TENM2: variants seen among roughly 807,000 people sequenced by gnomAD.
TENM2 encodes teneurin-2.
A neutral mutation model predicts 245.2 loss-of-function variants in TENM2; 52 were observed. The observed-to-expected ratio is 0.21, with a 90% CI of 0.17 to 0.27. The LOEUF is 0.27. TENM2 is among the 10% of genes least tolerant of loss of function. The pLI is 1.00. For missense variants in TENM2, 3,046 were observed against 3,666.8 expected, an observed-to-expected ratio of 0.83 and a Z score of 4.37; for synonymous variants, 1,363 against 1,438.9, an observed-to-expected ratio of 0.95 and a Z score of 1.19.
At chr5:168,036,583 C>G (rs1787685256) in intron 5 of TENM2, among the ~76,000 whole-genome samples, 1 of 148,322 alleles carries the variant, frequency 6.7e-6, no homozygotes, top group African/African-American at 2.5e-5. Context: ...TTGCAGTGAG[C>G]CGAGATCGCA....
chr5:167,894,296 G>A (rs1000334746), intron 3 of TENM2, among the ~76,000 whole-genome samples: 1 of 152,114 alleles, frequency 6.6e-6, no homozygotes, highest in Non-Finnish European at 1.5e-5. Flanking sequence ...ATAGGGCAAG[G>A]TTCTCATACC....
chr5:168,152,736 G>A (rs1257561967), intron 12 of TENM2, among the ~76,000 whole-genome samples: 1 of 152,152 alleles, frequency 6.6e-6, no homozygotes, highest in African/African-American at 2.4e-5. Flanking sequence ...TGTAACACTT[G>A]TCACCCTCCT....
chr5:167,949,181 C>T (rs574104699), intron 3 of TENM2, among the ~76,000 whole-genome samples: 27 of 152,258 alleles, frequency 1.8e-4, no homozygotes, highest in Admixed American at 5.9e-4. Context: ...AGCTAAATTA[C>T]GAGAACAGGG....
At chr5:167,581,177 G>C (rs1177364985) in intron 2 of TENM2, among the ~76,000 whole-genome samples, 7 of 152,232 alleles carry the variant, frequency 4.6e-5, no homozygotes. Context: ...ATAATCGGTA[G>C]CAGTTTGAGG....
At chr5:167,752,261 A>ATTT (rs575290973) in intron 2 of TENM2, among the ~76,000 whole-genome samples, 4 of 123,350 alleles carry the variant, frequency 3.2e-5, no homozygotes, top group Non-Finnish European at 5.0e-5. Context: ...TGCCCAGCTA[A>ATTT]TTTTTTTTTT....
At position 167,338,485 on chromosome 5, in the gene TENM2, G is replaced by A. The variant is rs1443340497; in HGVS notation, c.227-36713G>A. 9.9e-5 allele frequency among the ~76,000 whole-genome samples: 15 copies of A among 152,190 alleles called. No homozygotes were observed. The South Asian group carries it at 2.3e-3, about 23-fold the overall frequency. On this transcript the variant is annotated intron_variant, in intron 1 of 28. Transcript: ENST00000518659. ...GTTGCAGAAGCAATTAAAATAGAAC[G>A]TGGGGAGAATCATGATCTTTCTTAT...
At chr5:167,340,541 G>A (rs145266245) in intron 1 of TENM2, among the ~76,000 whole-genome samples, 230 of 152,168 alleles carry the variant, frequency 1.5e-3, no homozygotes, top group African/African-American at 5.3e-3. Context: ...TCTTGTAAGG[G>A]CACCCTTCTA....
At chr5:168,253,856 T>A (rs1459533049) in intron 27 of TENM2, among the ~76,000 whole-genome samples, 1 of 152,202 alleles carries the variant, frequency 6.6e-6, no homozygotes, top group Non-Finnish European at 1.5e-5. Context: ...TGAAATAGAT[T>A]CCAACCCTGC....
At chr5:167,556,401 T>TATATATGTATGTATACTTAC (rs1773260691) in intron 2 of TENM2, among the ~76,000 whole-genome samples, 1 of 124,420 alleles carries the variant, frequency 8.0e-6, no homozygotes, top group Non-Finnish European at 1.6e-5. Flanking sequence ...TTCTCTTTCA[T>TATATATGTATGTATACTTAC]ATATATGTAT....
intron 1 of TENM2, among the ~76,000 whole-genome samples, chr5:167,302,747 G>GAGA (rs1015448209): frequency 9.2e-5 from 14 of 152,144 alleles, no homozygotes; most frequent in African/African-American, 2.9e-4. Context: ...CAGAAAAGCG[G>GAGA]AGAAGGGGTA....
At chr5:167,739,487 CA>C (rs1383194569) in intron 2 of TENM2, among the ~76,000 whole-genome samples, 1 of 152,064 alleles carries the variant, frequency 6.6e-6, no homozygotes, top group African/African-American at 2.4e-5. Context: ...GTCAGGGAAG[CA>C]AAAGTCTCTA....
chr5:167,967,304 T>C (rs1229443629), intron 4 of TENM2, among the ~76,000 whole-genome samples: 1 of 152,224 alleles, frequency 6.6e-6, no homozygotes, highest in Non-Finnish European at 1.5e-5. Context: ...AAGCCTAGTC[T>C]AATCCACTGC....
At chr5:167,539,916 T>C (rs758978647) in intron 2 of TENM2, among the ~76,000 whole-genome samples, 1 of 152,192 alleles carries the variant, frequency 6.6e-6, no homozygotes, top group Non-Finnish European at 1.5e-5. Flanking sequence ...TGTTTTTTCA[T>C]TTCACACATC....
At position 168,049,097 on chromosome 5, in the gene TENM2, C is replaced by T. The variant is rs143147610; in HGVS notation, c.1309+1548C>T. Among the ~76,000 whole-genome samples, 28 of 152,276 alleles carry T rather than the reference C, an allele frequency of 1.8e-4. No homozygotes were observed. In the East Asian group the frequency reaches 4.8e-3, roughly 26 times the overall value. ...GGTTCTTAGTCATAGCATTTTTGCA[C>T]CCCTAGAGGACATTTGGCAATGTCT... On this transcript the variant is annotated intron_variant, in intron 6 of 28. Coordinates refer to ENST00000518659, the Ensembl canonical transcript of TENM2.
chr5:168,020,049 A>G (rs186051213), intron 5 of TENM2, among the ~76,000 whole-genome samples: 1 of 152,348 alleles, frequency 6.6e-6, no homozygotes, highest in Admixed American at 6.5e-5. Context: ...GTTAGGATCC[A>G]CACTGGGCTT....
chr5:167,574,349 C>A (rs1774494492), intron 2 of TENM2, among the ~76,000 whole-genome samples: 1 of 152,166 alleles, frequency 6.6e-6, no homozygotes, highest in African/African-American at 2.4e-5. Flanking sequence ...GAAAAATAAT[C>A]CAATTGATAC....
chr5:167,620,116 G>A (rs1388927355), intron 2 of TENM2, among the ~76,000 whole-genome samples: 2 of 152,070 alleles, frequency 1.3e-5, no homozygotes, highest in East Asian at 3.8e-4. Context: ...GTCAATAGTC[G>A]GCCGTGTGGT....
At position 167,637,898 on chromosome 5, in the gene TENM2, G is replaced by A. The variant is rs547342053; in HGVS notation, c.503-238088G>A. Among the ~76,000 whole-genome samples the A allele has an allele frequency of 1.1e-4, 16 of 151,860 alleles. No homozygotes were observed. The East Asian group carries it at 2.9e-3, about 28-fold the overall frequency. On this transcript the variant is annotated intron_variant, in intron 2 of 28. Coordinates refer to ENST00000518659, the Ensembl canonical transcript of TENM2. ...AAACCTAGATGACGGTTTAATAGGTGCAGCAAACCACCATAGCACATGTAT... is the reference window on the plus strand; with the variant it reads ...AAACCTAGATGACGGTTTAATAGGTACAGCAAACCACCATAGCACATGTAT...
chr5:168,245,342 G>A (rs1023980875), intron 26 of TENM2, among the ~76,000 whole-genome samples: 2 of 152,020 alleles, frequency 1.3e-5, no homozygotes, highest in Admixed American at 6.6e-5. Context: ...CACTGGCAGC[G>A]TGGCTCATCA....
Sources: gnomAD v4.1 joint callset for allele counts (sites outside exome capture counted in the v4.1 genomes callset) on GRCh38, gnomAD v4.1.1 for gene constraint, MANE v1.5 for transcripts, NCBI Gene and HGNC (gene_info 2026-07-23, HGNC 2026-07-21) for gene names.